The following ATP13A4 variants were observed in gnomAD, a reference collection of about 807,000 sequenced individuals.
ATP13A4 encodes the protein ATPase 13A4, also known as probable cation-transporting ATPase 13A4.
In ATP13A4, 114 loss-of-function variants were observed where a neutral mutation model predicts 142.5. The ratio of observed to expected loss-of-function variants is 0.80; its 90% CI spans 0.69 to 0.93. The LOEUF (loss-of-function observed/expected upper bound fraction) is 0.93. Ranked by LOEUF, ATP13A4 falls within the 40% of genes least tolerant of loss-of-function variation. The probability of loss-of-function intolerance (pLI) is 0.00; values close to 1 mark genes in which losing one functional copy is unlikely to be tolerated. For missense variants in ATP13A4, 1,392 were observed against 1,454.0 expected (o/e 0.96, Z 0.69); for synonymous variants, 488 against 514.8 (o/e 0.95, Z 0.70).
In ATP13A4 at chr3:193,474,647, GGAA is replaced by G. The variant is rs1227487416; in HGVS notation, c.809-3657_809-3655del. On this transcript the variant is annotated intron_variant, in intron 8 of 29. Coordinates refer to ENST00000342695, the MANE Select transcript of ATP13A4 (RefSeq NM_032279.4). ...GAGAGAGAGACGAGAAAGAAAGAAA[GGAA>G]GAAAGAAAGAAAGAAAGAAAAAGAA... Among the ~76,000 whole-genome samples the G allele has an allele frequency of 5.9e-5, 8 of 135,500 alleles. No individual in the cohort carries two copies. The East Asian group carries it at 1.7e-3, about 29-fold the overall frequency. The allele number at this position is 135,500 out of a possible 152,430, so 88.9% of individuals were successfully genotyped here.
At chr3:193,527,373 G>C (rs946924469) in intron 1 of ATP13A4, among the ~76,000 whole-genome samples, 8 of 152,112 alleles carry the variant, frequency 5.3e-5, no homozygotes, top group Admixed American at 3.9e-4. Flanking sequence ...CAGCACTATG[G>C]GGGGGCCAAC....
At chr3:193,534,865 T>C (rs562978144) in intron 1 of ATP13A4, among the ~76,000 whole-genome samples, 2 of 152,134 alleles carry the variant, frequency 1.3e-5, no homozygotes, top group South Asian at 2.1e-4. Flanking sequence ...ACCTACAAAT[T>C]TGAGGAGATG....
chr3:193,406,406 T>C (rs992170507), intron 29 of ATP13A4, among the ~76,000 whole-genome samples: 1 of 152,178 alleles, frequency 6.6e-6, no homozygotes, highest in African/African-American at 2.4e-5. Context: ...TAATTCTAGT[T>C]CTGTATCCCA....
intron 1 of ATP13A4, among the ~76,000 whole-genome samples, chr3:193,523,839 G>A (rs937454969): frequency 2.0e-5 from 3 of 152,168 alleles, no homozygotes; most frequent in South Asian, 2.1e-4. Context: ...CTGGTGCAGG[G>A]GCGCAGATCC....
chr3:193,563,085 A>G (rs1724053303), intron 2 of ATP13A4, among the ~76,000 whole-genome samples: 1 of 152,212 alleles, frequency 6.6e-6, no homozygotes, highest in Non-Finnish European at 1.5e-5. Flanking sequence ...GACAAATTAT[A>G]AGACATTTTT....
In ATP13A4 at chr3:193,461,280, T is replaced by A. The variant is rs574396279; in HGVS notation, c.1523+1482A>T. Reference sequence around the variant, plus strand: ...CAGAACATATTGAGTTCATTTTAGATGAGCGATTACTGTGCACCTACTATT... The same window carrying A: ...CAGAACATATTGAGTTCATTTTAGAAGAGCGATTACTGTGCACCTACTATT... On this transcript the variant is annotated intron_variant, in intron 13 of 29. Transcript: ENST00000342695. Among the ~76,000 whole-genome samples, 54 of 152,350 alleles carry A rather than the reference T, an allele frequency of 3.5e-4. 1 individual carries two copies. The South Asian group carries it at 8.1e-3, about 23-fold the overall frequency.
chr3:193,542,397 C>T (rs1722979474), intron 1 of ATP13A4, among the ~76,000 whole-genome samples: 1 of 152,006 alleles, frequency 6.6e-6, no homozygotes, highest in South Asian at 2.1e-4. Context: ...GCCACACTGC[C>T]CAAAGTAATT....
chr3:193,414,224 G>A (rs998508545), intron 26 of ATP13A4, among the ~76,000 whole-genome samples: 2 of 152,150 alleles, frequency 1.3e-5, no homozygotes, highest in Non-Finnish European at 1.5e-5. Context: ...TAGTTTTGAA[G>A]GTGAAAAGGA....
intron 2 of ATP13A4, among the ~76,000 whole-genome samples, chr3:193,576,247 A>ATTT (rs1560288260): frequency 4.7e-5 from 5 of 107,326 alleles, no homozygotes; most frequent in East Asian, 5.4e-4. Flanking sequence ...GCTTGAATCA[A>ATTT]TCTTTTTTTT....
chr3:193,415,118 G>A (rs1238771944), intron 25 of ATP13A4, among the ~76,000 whole-genome samples: 3 of 152,150 alleles, frequency 2.0e-5, no homozygotes, highest in African/African-American at 4.8e-5. Context: ...CATAACTTTC[G>A]ACATAGTTAT....
At chr3:193,550,363 C>T (rs1723482501) in intron 1 of ATP13A4, among the ~76,000 whole-genome samples, 1 of 147,364 alleles carries the variant, frequency 6.8e-6, no homozygotes, top group Admixed American at 6.8e-5. Flanking sequence ...CTGGAGTGCA[C>T]TGATATGATC....
At chr3:193,458,971 A>G (rs76907433) in intron 14 of ATP13A4, 110 bp downstream of exon 14, 2 of 1,469,926 alleles carry the variant, frequency 1.4e-6, no homozygotes. Context: ...TACCAAATGT[A>G]CTCCACATTG....
At chr3:193,436,467 T>G (rs1576958869) in intron 23 of ATP13A4, among the ~76,000 whole-genome samples, 3 of 152,132 alleles carry the variant, frequency 2.0e-5, no homozygotes, top group African/African-American at 7.2e-5. Flanking sequence ...CTTTTTTTTT[T>G]GTCAGAATCT....
intron 8 of ATP13A4, among the ~76,000 whole-genome samples, chr3:193,480,729 A>G (rs548107081): frequency 6.6e-6 from 1 of 152,320 alleles, no homozygotes; most frequent in Admixed American, 6.5e-5. Flanking sequence ...AGATTCCTTA[A>G]AGAACTAAAA....
At chr3:193,484,526 G>C (rs921369601) in intron 7 of ATP13A4, among the ~76,000 whole-genome samples, 4 of 151,866 alleles carry the variant, frequency 2.6e-5, no homozygotes, top group Non-Finnish European at 1.5e-5. Flanking sequence ...TGATTCTGGG[G>C]GTTAAAAGTC....
intron 1 of ATP13A4, among the ~76,000 whole-genome samples, chr3:193,541,335 G>C (rs1473530594): frequency 2.2e-5 from 3 of 138,428 alleles, no homozygotes; most frequent in Non-Finnish European, 4.6e-5. Context: ...ATTTTACAAA[G>C]ATATTATCTG....
Position 193,515,137 on chromosome 3 carries a change from G to T in ATP13A4, c.61-266C>A, listed in dbSNP as rs116453743. Among the ~76,000 whole-genome samples the T allele has an allele frequency of 3.4e-3, 513 of 152,306 alleles. 3 individuals are homozygous for T. Among genetic ancestry groups the T allele is most frequent in the African/African-American group, 0.012 (499 of 41,560 alleles). ...CTAGATACCCTGTGCCAAGCACTGT[G>T]CTAGGTGTTTAGATGTGCTGTCTTG... On this transcript the variant is annotated intron_variant, in intron 1 of 29. Transcript: ENST00000342695.
In ATP13A4 at chr3:193,439,001, A is replaced by C. The variant is rs549154117; in HGVS notation, c.2562+22T>G. 1.9e-6 allele frequency: 3 copies of C among 1,595,918 alleles called. No homozygotes were observed. In the East Asian group the frequency reaches 6.7e-5, roughly 36 times the overall value. ...TGTAATCGAATGTGAGATTATGGCC[A>C]CACAAACTGGTAGCTACTTACCCCA... On this transcript the variant is annotated intron_variant, in intron 22 of 29. Coordinates refer to ENST00000342695, the MANE Select transcript of ATP13A4 (RefSeq NM_032279.4).
At chr3:193,411,711 C>G (rs778097297) in intron 27 of ATP13A4, among the ~76,000 whole-genome samples, 1 of 152,160 alleles carries the variant, frequency 6.6e-6, no homozygotes, top group Non-Finnish European at 1.5e-5. Context: ...GGTACTCTGG[C>G]CGAGAGCCTC....
Sources: allele counts gnomAD v4.1 joint callset (sites outside exome capture counted in the v4.1 genomes callset), GRCh38; gene constraint gnomAD v4.1.1; transcripts MANE v1.5; gene names NCBI Gene and HGNC (gene_info 2026-07-23, HGNC 2026-07-21).